IQCH: variants seen among roughly 807,000 people sequenced by gnomAD.
IQCH encodes IQ motif containing H, also known as IQ domain-containing protein H.
Under a neutral mutation model 117.0 loss-of-function variants are expected in IQCH, and 98 were observed. The observed-to-expected ratio is 0.84, with a 90% confidence interval of 0.71 to 0.99. The LOEUF is 0.99. Ranked by LOEUF, IQCH falls within the 50% of genes least tolerant of loss-of-function variation. The pLI, the probability that IQCH is intolerant of heterozygous loss-of-function variation, is 0.00. For missense variants in IQCH, 1,102 were observed against 1,243.8 expected, an observed-to-expected ratio of 0.89 and a Z score of 1.72; for synonymous variants, 412 against 448.2, an observed-to-expected ratio of 0.92 and a Z score of 1.02.
At chr15:67,437,316 G>A (rs944603464) in intron 16 of IQCH, among the ~76,000 whole-genome samples, 16 of 152,152 alleles carry the variant, frequency 1.1e-4, no homozygotes, top group African/African-American at 3.6e-4. Context: ...AACAATCACT[G>A]CATTTCAGCT....
chr15:67,299,296 AAGGGGG>A (rs1460360872), intron 4 of IQCH, among the ~76,000 whole-genome samples: 1 of 151,882 alleles, frequency 6.6e-6, no homozygotes, highest in African/African-American at 2.4e-5. Context: ...GCTTGGGGAG[AAGGGGG>A]GATAGTTAAT....
chr15:67,320,145 G>C (rs570250504), intron 4 of IQCH, among the ~76,000 whole-genome samples: 1 of 152,290 alleles, frequency 6.6e-6, no homozygotes, highest in Admixed American at 6.5e-5. Flanking sequence ...GCTCAGGAAG[G>C]GATGCCAAAT....
intron 4 of IQCH, chr15:67,282,029 A>T (rs1283044303): frequency 8.4e-6 from 2 of 238,546 alleles, no homozygotes; most frequent in Non-Finnish European, 1.7e-5. Flanking sequence ...TGGGCTGAAT[A>T]AGACAGATCA....
chr15:67,415,863 T>C lies in IQCH; in HGVS notation c.2098-1068T>C, dbSNP rs1486427841. ...TACCCTGTCTCACTTCTGGCAGAAA[T>C]AAAATCTGAAGAATAAAATCAAATC... is the stretch of plus-strand genomic sequence containing the variant. On this transcript the variant is annotated intron_variant, in intron 14 of 20. Coordinates refer to ENST00000335894, the MANE Select transcript of IQCH (RefSeq NM_001031715.3). Among the ~76,000 whole-genome samples the C allele has an allele frequency of 4.6e-5, 7 of 152,184 alleles. No individual in the cohort carries two copies. The East Asian group carries it at 7.7e-4, about 17-fold the overall frequency.
rs909499235 is a variant in IQCH, at chr15:67,416,362, A to G, written c.2098-569A>G. 6.6e-5 allele frequency among the ~76,000 whole-genome samples: 10 copies of G among 152,032 alleles called. No individual in the cohort carries two copies. The highest frequency in any genetic ancestry group is 1.3e-4 in the Non-Finnish European group (9 of 67,996). The stretch of plus-strand genomic sequence containing the variant: ...GAGAAACCCCGTCACTACTAAAAAT[A>G]CAAAATTAGCCAGGTGTGGTGACGC... On this transcript the variant is annotated intron_variant, in intron 14 of 20. Transcript: ENST00000335894. This position sits in a 1 kb window ranked among gnomAD's most constrained non-coding sequence, Gnocchi z 5.1.
In IQCH at chr15:67,387,921, TC is replaced by T. The variant is rs1190054063; in HGVS notation, c.1457-907del. Among the ~76,000 whole-genome samples, 1 of 152,174 alleles carries T rather than the reference TC, an allele frequency of 6.6e-6. No homozygotes were observed. The highest frequency in any genetic ancestry group is 1.5e-5 in the Non-Finnish European group (1 of 68,046). On this transcript the variant is annotated intron_variant, in intron 11 of 20. Coordinates refer to ENST00000335894, the MANE Select transcript of IQCH (RefSeq NM_001031715.3). The surrounding 1 kb of genome is among the most constrained non-coding windows in gnomAD (Gnocchi z 4.8). The stretch of plus-strand genomic sequence containing the variant: ...TTGCCTAAGAAAACGTTTACAGTGC[TC>T]CCTCCTCTGAACTTCTCTAAGTACC...
chr15:67,262,683 A>C, intron 2 of IQCH, among the ~76,000 whole-genome samples: 1 of 152,188 alleles, frequency 6.6e-6, no homozygotes, highest in East Asian at 1.9e-4. Flanking sequence ...AAAGAGTGCC[A>C]TACAGGCTGG....
intron 1 of IQCH, chr15:67,255,285 C>T (rs1965108887): frequency 5.8e-6 from 2 of 344,106 alleles, no homozygotes; most frequent in East Asian, 5.8e-5. Flanking sequence ...CCCATGACGT[C>T]GGGAGTGGAG....
At chr15:67,307,001 G>A in intron 4 of IQCH, 1 of 1,346,372 alleles carries the variant, frequency 7.4e-7, no homozygotes, top group Non-Finnish European at 9.5e-7. Flanking sequence ...CTTGAAACAT[G>A]TATCTGTTAA....
intron 6 of IQCH, among the ~76,000 whole-genome samples, chr15:67,348,362 C>CAG (rs1461062219): frequency 6.6e-6 from 1 of 151,484 alleles, no homozygotes. Context: ...CCATCACACA[C>CAG]ACACACACAC....
chr15:67,306,258 G>A (rs547605616), intron 4 of IQCH, among the ~76,000 whole-genome samples: 1 of 152,172 alleles, frequency 6.6e-6, no homozygotes, highest in East Asian at 1.9e-4. Context: ...GTCATATAAA[G>A]CATTTGGGGA....
chr15:67,378,381 A>G (rs1213107058), intron 10 of IQCH, among the ~76,000 whole-genome samples: 3 of 151,150 alleles, frequency 2.0e-5, no homozygotes, highest in Non-Finnish European at 2.9e-5. Flanking sequence ...TGGACTTTCA[A>G]TAAAATCTTT....
Position 67,401,549 on chromosome 15 carries a change from T to C in IQCH, c.2097+1244T>C, listed in dbSNP as rs1971659543. ...AGTATATGAATCAAGACACAAGTGA[T>C]AGAGAGGGAGGGGCACACTTGAGGG... is the stretch of plus-strand genomic sequence containing the variant. On this transcript the variant is annotated intron_variant, in intron 14 of 20. Transcript: ENST00000335894. The surrounding 1 kb of genome is among the most constrained non-coding windows in gnomAD (Gnocchi z 4.7). Among the ~76,000 whole-genome samples the C allele has an allele frequency of 6.6e-6, 1 of 151,932 alleles. No individual in the cohort carries two copies. The highest frequency in any genetic ancestry group is 1.5e-5 in the Non-Finnish European group (1 of 67,980).
rs1387244252 is a variant in IQCH, at chr15:67,473,125, A to G, written c.2677-2571A>G. The stretch of plus-strand genomic sequence containing the variant: ...TGGCAGCATCAGACAAGTTTAGAAG[A>G]CAAAAATAACCTTGGAATTATCTTG... On this transcript the variant is annotated intron_variant, in intron 17 of 20. Transcript: ENST00000335894. The surrounding 1 kb of genome is among the most constrained non-coding windows in gnomAD (Gnocchi z 4.9). Among the ~76,000 whole-genome samples the G allele has an allele frequency of 6.6e-6, 1 of 152,230 alleles. No homozygotes were observed. The highest frequency in any genetic ancestry group is 1.5e-5 in the Non-Finnish European group (1 of 68,042).
intron 14 of IQCH, 77 bp downstream of exon 14, chr15:67,400,382 A>C (rs1735845679): frequency 1.0e-5 from 11 of 1,066,138 alleles, no homozygotes. Flanking sequence ...CAGCTAAGAG[A>C]TGAAAGTACT....
chr15:67,378,598 C>T (rs1025097106), intron 10 of IQCH, among the ~76,000 whole-genome samples: 1 of 151,792 alleles, frequency 6.6e-6, no homozygotes, highest in African/African-American at 2.4e-5. Flanking sequence ...TTTGTATTCA[C>T]CCATGTAATC....
At chr15:67,353,371 T>A (rs202063479) in intron 6 of IQCH, among the ~76,000 whole-genome samples, 68,543 of 150,584 alleles carry the variant, frequency 0.46, 15,988 homozygotes, top group Non-Finnish European at 0.51. Flanking sequence ...TATTTTTTTT[T>A]TTTTTTGAGA....
intron 16 of IQCH, among the ~76,000 whole-genome samples, chr15:67,441,579 C>T (rs1218429047): frequency 1.3e-5 from 2 of 152,022 alleles, no homozygotes; most frequent in Non-Finnish European, 2.9e-5. Context: ...CAGAAATAAA[C>T]CCAAATACTT....
intron 3 of IQCH, among the ~76,000 whole-genome samples, chr15:67,267,048 G>A (rs1965705814): frequency 6.6e-6 from 1 of 152,184 alleles, no homozygotes; most frequent in Admixed American, 6.5e-5. Flanking sequence ...GAGAGCAGAC[G>A]CACCAGTGCT....
Sources: allele counts gnomAD v4.1 joint callset (sites outside exome capture counted in the v4.1 genomes callset), GRCh38; gene constraint gnomAD v4.1.1; non-coding constraint Gnocchi (gnomAD v3.1); transcripts MANE v1.5; gene names NCBI Gene and HGNC (gene_info 2026-07-23, HGNC 2026-07-21).